Variants in SLCO6A1 observed in about 807,000 individuals in gnomAD.
SLCO6A1 encodes the protein cancer/testis antigen 48.
Under a neutral mutation model 72.7 loss-of-function variants are expected in SLCO6A1, and 65 were observed. The ratio of observed to expected loss-of-function variants is 0.89; its 90% CI spans 0.73 to 1.10. The LOEUF (loss-of-function observed/expected upper bound fraction) is 1.10, where lower values mean the gene tolerates loss of function less well. Among genes scored for constraint, SLCO6A1 ranks in the 50% least tolerant of loss-of-function variants. The probability of loss-of-function intolerance (pLI) is 0.00; values close to 1 mark genes in which losing one functional copy is unlikely to be tolerated. For missense variants in SLCO6A1, 874 were observed against 872.6 expected, an observed-to-expected ratio of 1.00 and a Z score of -0.02; for synonymous variants, 314 against 298.2, an observed-to-expected ratio of 1.05 and a Z score of -0.55.
chr5:102,417,882 G>A lies in SLCO6A1; in HGVS notation c.1472+1944C>T, dbSNP rs140853639. Among the ~76,000 whole-genome samples, 318 of 152,126 alleles carry A rather than the reference G, an allele frequency of 2.1e-3. 4 individuals are homozygous for A. The highest frequency in any genetic ancestry group is 7.3e-3 in the African/African-American group (302 of 41,494). ...TGGAGGTTACATGCCTGTAATCCCA[G>A]CTACTAGGAGGCTGAGGTGGCAGAA... On this transcript the variant is annotated intron_variant, in intron 8 of 13. Transcript: ENST00000506729.
Position 102,488,960 on chromosome 5 carries a change from T to C in SLCO6A1, c.359-8526A>G, listed in dbSNP as rs186901398. On this transcript the variant is annotated intron_variant, in intron 1 of 13. Transcript: ENST00000506729. ...ATTGAGAGACAGAAGATTGAGGAAGTCACATAAAAAGTCAGGAAGTTACAG... is the reference window on the plus strand; with the variant it reads ...ATTGAGAGACAGAAGATTGAGGAAGCCACATAAAAAGTCAGGAAGTTACAG... Among the ~76,000 whole-genome samples the C allele has an allele frequency of 6.5e-4, 99 of 152,232 alleles. No homozygotes were observed. The East Asian group carries it at 7.5e-3, about 12-fold the overall frequency.
chr5:102,430,272 CT>C (rs1749141922), intron 7 of SLCO6A1, among the ~76,000 whole-genome samples: 1 of 152,050 alleles, frequency 6.6e-6, no homozygotes, highest in Non-Finnish European at 1.5e-5. Flanking sequence ...GGCTTCCTCT[CT>C]TTTTATGTAG....
intron 7 of SLCO6A1, among the ~76,000 whole-genome samples, chr5:102,421,434 G>A (rs1748599077): frequency 6.6e-6 from 1 of 152,044 alleles, no homozygotes; most frequent in Non-Finnish European, 1.5e-5. Context: ...AGCTTGGTGG[G>A]GAGAGGGGCA....
At chr5:102,497,896 G>A (rs1752977857) in intron 1 of SLCO6A1, among the ~76,000 whole-genome samples, 1 of 152,120 alleles carries the variant, frequency 6.6e-6, no homozygotes, top group Non-Finnish European at 1.5e-5. Context: ...CTGAACCTCC[G>A]CAAATTGCTC....
chr5:102,456,540 T>A (rs1178181201), intron 6 of SLCO6A1, among the ~76,000 whole-genome samples: 3 of 152,228 alleles, frequency 2.0e-5, no homozygotes, highest in East Asian at 1.9e-4. Context: ...GAATCCAACT[T>A]ACGAGGGTTG....
At chr5:102,402,237 A>C (rs1747438538) in intron 9 of SLCO6A1, among the ~76,000 whole-genome samples, 2 of 152,162 alleles carry the variant, frequency 1.3e-5, no homozygotes, top group African/African-American at 4.8e-5. Flanking sequence ...GAATATGTCA[A>C]GGAATTATAT....
intron 7 of SLCO6A1, among the ~76,000 whole-genome samples, chr5:102,422,181 A>G (rs1389347159): frequency 6.6e-6 from 1 of 152,248 alleles, no homozygotes; most frequent in Non-Finnish European, 1.5e-5. Flanking sequence ...CAGTGCAAAA[A>G]GGCTGAAAAT....
chr5:102,425,496 T>A (rs913833871), intron 7 of SLCO6A1, among the ~76,000 whole-genome samples: 5 of 152,074 alleles, frequency 3.3e-5, no homozygotes, highest in Non-Finnish European at 5.9e-5. Flanking sequence ...TACCAAATCA[T>A]GAGTGAATTC....
At chr5:102,418,311 A>AT (rs2112607707) in intron 8 of SLCO6A1, among the ~76,000 whole-genome samples, 1 of 151,580 alleles carries the variant, frequency 6.6e-6, no homozygotes, top group East Asian at 1.9e-4. Context: ...TTATGGTGTA[A>AT]TTTTTTTCAT....
chr5:102,379,293 A>G (rs1203390692), intron 12 of SLCO6A1, among the ~76,000 whole-genome samples: 2 of 151,942 alleles, frequency 1.3e-5, no homozygotes, highest in Non-Finnish European at 2.9e-5. Context: ...ATTTTACTAC[A>G]GTCTGATTTA....
chr5:102,405,072 A>T (rs1747601790), intron 9 of SLCO6A1, among the ~76,000 whole-genome samples: 1 of 152,150 alleles, frequency 6.6e-6, no homozygotes, highest in South Asian at 2.1e-4. Flanking sequence ...ACAATTTTAC[A>T]GCATTTAAAA....
intron 4 of SLCO6A1, among the ~76,000 whole-genome samples, chr5:102,468,684 T>C (rs530361881): frequency 6.6e-6 from 1 of 152,138 alleles, no homozygotes; most frequent in African/African-American, 2.4e-5. Flanking sequence ...TTGCATGGAA[T>C]ATCTTCTTCT....
chr5:102,496,837 G>A (rs1176242198), intron 1 of SLCO6A1, among the ~76,000 whole-genome samples: 1 of 152,110 alleles, frequency 6.6e-6, no homozygotes, highest in African/African-American at 2.4e-5. Context: ...TCACTATTGT[G>A]AAACAAGCCT....
chr5:102,458,721 T>C (rs1053702683), intron 5 of SLCO6A1, among the ~76,000 whole-genome samples: 1 of 152,180 alleles, frequency 6.6e-6, no homozygotes, highest in Admixed American at 6.6e-5. Context: ...CCCAGTCCAA[T>C]ACTGTAGCCA....
intron 7 of SLCO6A1, among the ~76,000 whole-genome samples, chr5:102,428,027 C>A (rs1749009866): frequency 6.6e-6 from 1 of 150,944 alleles, no homozygotes; most frequent in African/African-American, 2.4e-5. Context: ...CACCACCATA[C>A]CACCATACTA....
rs1580508422 is a variant in SLCO6A1, at chr5:102,480,520, T to C, written c.359-86A>G. On this transcript the variant is annotated intron_variant, in intron 1 of 13. Transcript: ENST00000506729. The stretch of plus-strand genomic sequence containing the variant: ...ATTACAAAGCAAAATTTAAATTACA[T>C]GATGTAAGTTTATTTTAAATTATTC... The C allele has an allele frequency of 2.4e-6, 3 of 1,251,772 alleles. No homozygotes were observed. In the East Asian group the frequency reaches 7.0e-5, roughly 29 times the overall value. 77.5% of individuals were successfully genotyped at this position (1,251,772 alleles called of 1,614,324 possible). A position where few individuals can be genotyped will look rare whatever the true frequency, so the allele number is the denominator to read the frequency against.
chr5:102,405,621 G>T (rs571902978), intron 9 of SLCO6A1, among the ~76,000 whole-genome samples: 1 of 152,056 alleles, frequency 6.6e-6, no homozygotes, highest in Admixed American at 6.6e-5. Flanking sequence ...GATATTTTAA[G>T]TTGAAAGAAT....
chr5:102,492,422 C>T (rs763483303), intron 1 of SLCO6A1, among the ~76,000 whole-genome samples: 42 of 152,056 alleles, frequency 2.8e-4, no homozygotes, highest in Non-Finnish European at 2.9e-4. Flanking sequence ...CCAAGATGGC[C>T]GAATAGGAAC....
chr5:102,421,357 G>C (rs1179527364), intron 7 of SLCO6A1, among the ~76,000 whole-genome samples: 3 of 152,180 alleles, frequency 2.0e-5, no homozygotes, highest in Non-Finnish European at 2.9e-5. Flanking sequence ...AGCCGAGAAA[G>C]CTAAGATCCA....
Sources: allele counts gnomAD v4.1 joint callset (sites outside exome capture counted in the v4.1 genomes callset), GRCh38; gene constraint gnomAD v4.1.1; transcripts MANE v1.5; gene names NCBI Gene and HGNC (gene_info 2026-07-23, HGNC 2026-07-21).